ANKRD12: variants seen among roughly 807,000 people sequenced by gnomAD.
ANKRD12 encodes ankyrin repeat domain-containing protein 12.
ANKRD12 carries 85 observed loss-of-function variants against 183.4 expected under a neutral mutation model. The observed-to-expected ratio is 0.46, with a 90% CI of 0.39 to 0.56. The LOEUF is 0.56. ANKRD12 is among the 20% of genes least tolerant of loss of function. ANKRD12 has a pLI of 0.00. For missense variants in ANKRD12, 2,405 were observed against 2,357.1 expected, an observed-to-expected ratio of 1.02 and a Z score of -0.42; for synonymous variants, 914 against 800.2, an observed-to-expected ratio of 1.14 and a Z score of -2.40.
intron 5 of ANKRD12, among the ~76,000 whole-genome samples, chr18:9,209,627 A>G (rs1386898366): frequency 2.6e-5 from 4 of 152,172 alleles, no homozygotes; most frequent in Non-Finnish European, 4.4e-5. Flanking sequence ...AAAATGTTTT[A>G]GGGCTTCCTG....
At chr18:9,146,541 A>G (rs2078499587) in intron 1 of ANKRD12, among the ~76,000 whole-genome samples, 1 of 152,202 alleles carries the variant, frequency 6.6e-6, no homozygotes, top group Non-Finnish European at 1.5e-5. Flanking sequence ...AAAATTAAAA[A>G]CCAACCAAAT....
chr18:9,271,188 C>T (rs2145411462), intron 10 of ANKRD12, among the ~76,000 whole-genome samples: 1 of 152,242 alleles, frequency 6.6e-6, no homozygotes, highest in East Asian at 1.9e-4. Flanking sequence ...CCTTTTGCCT[C>T]AGCCTCCCAA....
At chr18:9,232,366 G>A (rs1276320089) in intron 8 of ANKRD12, among the ~76,000 whole-genome samples, 3 of 152,046 alleles carry the variant, frequency 2.0e-5, no homozygotes, top group African/African-American at 4.8e-5. Context: ...TTTCTTCTTC[G>A]TTTATGAAGG....
chr18:9,181,002 T>A (rs1319311283), intron 1 of ANKRD12, among the ~76,000 whole-genome samples: 2 of 152,210 alleles, frequency 1.3e-5, no homozygotes, highest in South Asian at 2.1e-4. Context: ...TTTAACTCCA[T>A]AAGCTTTACC....
At chr18:9,207,957 T>C (rs1215686481) in intron 4 of ANKRD12, among the ~76,000 whole-genome samples, 1 of 152,200 alleles carries the variant, frequency 6.6e-6, no homozygotes, top group Non-Finnish European at 1.5e-5. Flanking sequence ...GCGTTGCTAA[T>C]GGGTTTCCCA....
chr18:9,158,717 C>T (rs2030967909), intron 1 of ANKRD12, among the ~76,000 whole-genome samples: 1 of 152,114 alleles, frequency 6.6e-6, no homozygotes, highest in Non-Finnish European at 1.5e-5. Context: ...ATGCTGTATT[C>T]TTTGGAAGAA....
chr18:9,199,342 A>G (rs1598531319), intron 3 of ANKRD12, among the ~76,000 whole-genome samples: 2 of 152,176 alleles, frequency 1.3e-5, no homozygotes, highest in East Asian at 1.9e-4. Flanking sequence ...AGTATGTGCT[A>G]TTTGCATTAA....
At chr18:9,197,037 A>G (rs1248417815) in intron 3 of ANKRD12, among the ~76,000 whole-genome samples, 2 of 152,150 alleles carry the variant, frequency 1.3e-5, no homozygotes, top group Non-Finnish European at 2.9e-5. Context: ...ATGAGAGTAT[A>G]TTTCTGATAG....
In ANKRD12 at chr18:9,281,015, A is replaced by G. The variant is rs947162691; in HGVS notation, c.6078A>G (p.Lys2026=). The stretch of plus-strand genomic sequence containing the variant: ...TCCAGAGGTTAGAATGGCAGCTCAA[A>G]CTCCAGGAACTTGATCCTGCCACCT... ...NAVQRLEWQL[K]LQELDPATYK... is the part of the protein sequence containing the mutation. Residue 2026 remains lysine (K), a synonymous_variant, in exon 13 of 13, where the codon AAA becomes AAG. Transcript: ENST00000262126. 1 of 1,614,102 alleles carries G rather than the reference A, an allele frequency of 6.2e-7. No homozygotes were observed. Among genetic ancestry groups the G allele is most frequent in the African/African-American group, 1.3e-5 (1 of 75,034 alleles).
At chr18:9,138,036 AG>A (rs2078182356) in intron 1 of ANKRD12, among the ~76,000 whole-genome samples, 1 of 152,194 alleles carries the variant, frequency 6.6e-6, no homozygotes, top group Non-Finnish European at 1.5e-5. Flanking sequence ...CTGCGAACTA[AG>A]GTGAAGTGTG....
At chr18:9,207,018 TTAAATATATTTATTTTAGGAGA>T (rs1293213430) in intron 4 of ANKRD12, among the ~76,000 whole-genome samples, 3 of 152,092 alleles carry the variant, frequency 2.0e-5, no homozygotes, top group Non-Finnish European at 4.4e-5. Flanking sequence ...TTTCACAATG[TTAAATATATTTATTTTAGGAGA>T]GAAATACATT....
At chr18:9,279,121 C>A (rs1164192479) in intron 11 of ANKRD12, among the ~76,000 whole-genome samples, 2 of 150,816 alleles carry the variant, frequency 1.3e-5, no homozygotes, top group Non-Finnish European at 3.0e-5. Flanking sequence ...TTCATGAGCA[C>A]CGCAGATATT....
intron 1 of ANKRD12, among the ~76,000 whole-genome samples, chr18:9,148,005 T>C (rs1415508917): frequency 1.3e-5 from 2 of 152,234 alleles, no homozygotes; most frequent in Non-Finnish European, 2.9e-5. Flanking sequence ...ACCTGTAAAC[T>C]TTTTCCCTAT....
chr18:9,207,436 G>A (rs1033494035), intron 4 of ANKRD12, among the ~76,000 whole-genome samples: 12 of 152,030 alleles, frequency 7.9e-5, no homozygotes, highest in African/African-American at 2.4e-4. Context: ...GGACAGCAGA[G>A]TTTTTAAAAT....
At chr18:9,239,570 A>G (rs768163003) in intron 8 of ANKRD12, 4 of 1,258,922 alleles carry the variant, frequency 3.2e-6, no homozygotes, top group South Asian at 1.3e-5. Flanking sequence ...AGTATCATAT[A>G]AAGATTTTGG....
At chr18:9,174,586 T>G (rs140140611) in intron 1 of ANKRD12, among the ~76,000 whole-genome samples, 99 of 152,340 alleles carry the variant, frequency 6.5e-4, no homozygotes, top group African/African-American at 2.3e-3. Flanking sequence ...CACTCACTGC[T>G]TCCCTTGGCT....
chr18:9,202,245 C>G (rs2035215104), intron 3 of ANKRD12, among the ~76,000 whole-genome samples: 1 of 152,218 alleles, frequency 6.6e-6, no homozygotes, highest in Admixed American at 6.5e-5. Context: ...AACAAAATCT[C>G]TGCCAGCCAG....
intron 8 of ANKRD12, among the ~76,000 whole-genome samples, chr18:9,232,805 T>C (rs1016278841): frequency 1.8e-4 from 27 of 152,044 alleles, no homozygotes; most frequent in African/African-American, 5.6e-4. Flanking sequence ...ATTCTTTTTT[T>C]TTTCTTTCTT....
chr18:9,163,781 C>T, intron 1 of ANKRD12, among the ~76,000 whole-genome samples: 1 of 152,062 alleles, frequency 6.6e-6, no homozygotes, highest in Non-Finnish European at 1.5e-5. Context: ...ATTTTATTCT[C>T]TTTGTAGCAA....
Sources: gnomAD v4.1 joint callset for allele counts (sites outside exome capture counted in the v4.1 genomes callset) on GRCh38, gnomAD v4.1.1 for gene constraint, MANE v1.5 for transcripts, NCBI Gene and HGNC (gene_info 2026-07-23, HGNC 2026-07-21) for gene names.